SPAG16: variants seen among roughly 807,000 people sequenced by gnomAD.
SPAG16 encodes the protein sperm associated antigen 16.
A neutral mutation model predicts 80.4 loss-of-function variants in SPAG16; 86 were observed. The observed-to-expected ratio is 1.07, with a 90% CI of 0.90 to 1.28. The LOEUF (loss-of-function observed/expected upper bound fraction) is 1.28, where lower values mean the gene tolerates loss of function less well. SPAG16 is among the 50% of genes most tolerant of loss of function. The pLI, the probability that SPAG16 is intolerant of heterozygous loss-of-function variation, is 0.00. For missense variants in SPAG16, 870 were observed against 765.3 expected, an observed-to-expected ratio of 1.14 and a Z score of -1.61; for synonymous variants, 294 against 265.9, an observed-to-expected ratio of 1.11 and a Z score of -1.03.
At position 213,718,480 on chromosome 2, in the gene SPAG16, G is replaced by A. The variant is rs573556071; in HGVS notation, c.1071-144005G>A. The stretch of plus-strand genomic sequence containing the variant: ...GGAGCCCACTCCCTCAGCTTTCAGG[G>A]AGGTGTGGAGGGAGAGGCACCAGCG... On this transcript the variant is annotated intron_variant, in intron 10 of 15. Coordinates refer to ENST00000331683, the MANE Select transcript of SPAG16 (RefSeq NM_024532.5). Among the ~76,000 whole-genome samples the A allele has an allele frequency of 5.3e-5, 8 of 152,304 alleles. No homozygotes were observed. In the East Asian group the frequency reaches 1.5e-3, roughly 30 times the overall value.
At chr2:214,058,128 T>A (rs1282978818) in intron 13 of SPAG16, among the ~76,000 whole-genome samples, 1 of 152,194 alleles carries the variant, frequency 6.6e-6, no homozygotes, top group Non-Finnish European at 1.5e-5. Flanking sequence ...TTCAGGAACT[T>A]TTCCATTGCA....
At chr2:213,326,030 T>A (rs1461383253) in intron 5 of SPAG16, among the ~76,000 whole-genome samples, 4 of 151,984 alleles carry the variant, frequency 2.6e-5, no homozygotes, top group Non-Finnish European at 5.9e-5. Flanking sequence ...TTCTTGGGAA[T>A]GTAACCAGTC....
intron 15 of SPAG16, among the ~76,000 whole-genome samples, chr2:214,295,557 G>A (rs1006582801): frequency 1.1e-4 from 16 of 152,114 alleles, no homozygotes; most frequent in African/African-American, 3.1e-4. Context: ...TTGGGAGGCC[G>A]AGGTGGGTGG....
At chr2:213,317,590 C>A in intron 5 of SPAG16, 2 of 1,165,300 alleles carry the variant, frequency 1.7e-6, no homozygotes, top group Admixed American at 8.6e-5. Flanking sequence ...GGAGATGGTA[C>A]ATTTTTTATA....
At chr2:214,142,638 C>T (rs2055421149) in intron 14 of SPAG16, among the ~76,000 whole-genome samples, 1 of 152,126 alleles carries the variant, frequency 6.6e-6, no homozygotes, top group Non-Finnish European at 1.5e-5. Context: ...ATGAAATCTG[C>T]CCTCTGGTTT....
At chr2:213,293,504 G>T (rs942248922) in intron 1 of SPAG16, among the ~76,000 whole-genome samples, 4 of 152,142 alleles carry the variant, frequency 2.6e-5, no homozygotes, top group African/African-American at 9.7e-5. Context: ...GCTTATTCTG[G>T]GGGTAGTTAG....
At chr2:213,908,931 C>A (rs150080300) in intron 11 of SPAG16, among the ~76,000 whole-genome samples, 35,870 of 150,954 alleles carry the variant, frequency 0.24, 4,844 homozygotes, top group South Asian at 0.37. Flanking sequence ...TCCTCCCCCC[C>A]ACCACACAAC....
chr2:214,017,179 C>A (rs1222646100), intron 13 of SPAG16, among the ~76,000 whole-genome samples: 1 of 151,964 alleles, frequency 6.6e-6, no homozygotes, highest in Non-Finnish European at 1.5e-5. Flanking sequence ...GTGCATCAGG[C>A]GTGACTTAAA....
At chr2:214,405,523 C>T (rs904370740) in intron 15 of SPAG16, among the ~76,000 whole-genome samples, 3 of 152,170 alleles carry the variant, frequency 2.0e-5, no homozygotes, top group Non-Finnish European at 4.4e-5. Flanking sequence ...AGGCTGGGCA[C>T]AGTGGCTCAT....
chr2:213,807,986 A>T (rs945533509), intron 10 of SPAG16, among the ~76,000 whole-genome samples: 1 of 152,192 alleles, frequency 6.6e-6, no homozygotes, highest in Non-Finnish European at 1.5e-5. Flanking sequence ...TGCCCAAATG[A>T]AAACAAGATG....
chr2:213,935,131 G>T (rs2078933466), intron 12 of SPAG16, among the ~76,000 whole-genome samples: 1 of 151,044 alleles, frequency 6.6e-6, no homozygotes. Context: ...GAACCCAGTG[G>T]GCGGAGCTTG....
intron 10 of SPAG16, among the ~76,000 whole-genome samples, chr2:213,590,271 T>C (rs1227526814): frequency 6.6e-6 from 1 of 152,142 alleles, no homozygotes; most frequent in East Asian, 1.9e-4. Context: ...TATTGCATAA[T>C]GCTGAGGTTT....
At chr2:213,880,287 T>C (rs912477727) in intron 11 of SPAG16, among the ~76,000 whole-genome samples, 2 of 152,236 alleles carry the variant, frequency 1.3e-5, no homozygotes, top group Non-Finnish European at 2.9e-5. Context: ...TTGAGAAGTG[T>C]CTGTTCATGG....
intron 10 of SPAG16, among the ~76,000 whole-genome samples, chr2:213,667,962 T>TATTTATTTATTC (rs57433786): frequency 6.6e-6 from 1 of 151,766 alleles, no homozygotes; most frequent in African/African-American, 2.4e-5. Flanking sequence ...TTTATTTATT[T>TATTTATTTATTC]TTGAGACAAA....
chr2:213,369,984 G>C (rs187249335), intron 8 of SPAG16, among the ~76,000 whole-genome samples: 1 of 152,260 alleles, frequency 6.6e-6, no homozygotes. Flanking sequence ...TTTATGACGT[G>C]TATCCAACAT....
intron 15 of SPAG16, among the ~76,000 whole-genome samples, chr2:214,257,309 T>TA (rs1253390305): frequency 6.6e-6 from 1 of 152,008 alleles, no homozygotes; most frequent in Non-Finnish European, 1.5e-5. Flanking sequence ...ATCTTCTTCA[T>TA]AAGCAATCAT....
chr2:213,549,347 G>A (rs2076714994), intron 10 of SPAG16, among the ~76,000 whole-genome samples: 1 of 151,968 alleles, frequency 6.6e-6, no homozygotes, highest in Non-Finnish European at 1.5e-5. Context: ...TCAAATTTAT[G>A]AGTTTCTAAA....
chr2:213,553,248 C>T (rs1161590283), intron 10 of SPAG16, among the ~76,000 whole-genome samples: 1 of 152,138 alleles, frequency 6.6e-6, no homozygotes, highest in Non-Finnish European at 1.5e-5. Context: ...CAAAATACCC[C>T]AGAAGCAGCC....
chr2:213,336,205 C>T (rs908527115), intron 5 of SPAG16, among the ~76,000 whole-genome samples: 11 of 152,184 alleles, frequency 7.2e-5, no homozygotes, highest in East Asian at 5.8e-4. Context: ...GTTCCCCTTG[C>T]GAGCCCACGC....
Sources: gnomAD v4.1 joint callset for allele counts (sites outside exome capture counted in the v4.1 genomes callset) on GRCh38, gnomAD v4.1.1 for gene constraint, MANE v1.5 for transcripts, NCBI Gene and HGNC (gene_info 2026-07-23, HGNC 2026-07-21) for gene names.